The following ABL1 variants were observed in gnomAD, a reference collection of about 807,000 sequenced individuals.
The protein encoded by ABL1 is tyrosine-protein kinase ABL1.
In ABL1, 11 loss-of-function variants were observed where a neutral mutation model predicts 94.7. That is an observed-to-expected ratio of 0.12 (90% CI 0.07 to 0.19). The LOEUF (loss-of-function observed/expected upper bound fraction) is 0.19. Among genes scored for constraint, ABL1 ranks in the 10% least tolerant of loss-of-function variants. The pLI, the probability that ABL1 is intolerant of heterozygous loss-of-function variation, is 1.00. For synonymous variants in ABL1, 656 were observed against 622.4 expected (o/e 1.05, Z -0.80); for missense variants, 1,082 against 1,489.4 (o/e 0.73, Z 4.50).
At chr9:130,869,524 G>A (rs6597644) in intron 4 of ABL1, among the ~76,000 whole-genome samples, 31,979 of 152,052 alleles carry the variant, frequency 0.21, 5,226 homozygotes, top group African/African-American at 0.45. Flanking sequence ...CCGCTCCGCC[G>A]TACCGCCCAG....
chr9:130,759,919 A>G (rs567206374), intron 1 of ABL1, among the ~76,000 whole-genome samples: 82 of 151,234 alleles, frequency 5.4e-4, no homozygotes, highest in African/African-American at 1.8e-3. Context: ...CAGCCTCTCA[A>G]CTAGCTGGGA....
rs373307361 is a variant in ABL1 at position 130,872,264 on chromosome 9, G to A, written c.907+51G>A. ...GAGGGTCTCGCGCCGCACCCCCAGG[G>A]TGACACAGGCGCTGGGGAAGACGCA... is the stretch of plus-strand genomic sequence containing the variant. On this transcript the variant is annotated intron_variant, in intron 5 of 10. Coordinates refer to ENST00000318560, the MANE Select transcript of ABL1 (RefSeq NM_005157.6). This position sits in a 1 kb window ranked among gnomAD's most constrained non-coding sequence, Gnocchi z 5.0. 10 of 1,549,660 alleles carry A rather than the reference G, an allele frequency of 6.5e-6. No homozygotes were observed. The African/African-American group carries it at 1.4e-4, about 21-fold the overall frequency.
At position 130,862,700 on chromosome 9, in the gene ABL1, T is replaced by A. The variant is rs1382020816; in HGVS notation, c.550-63T>A. 2 of 1,565,096 alleles carry A rather than the reference T, an allele frequency of 1.3e-6. No homozygotes were observed. Among genetic ancestry groups the A allele is most frequent in the African/African-American group, 2.7e-5 (2 of 73,524 alleles). On this transcript the variant is annotated intron_variant, in intron 3 of 10. Transcript: ENST00000318560. The surrounding 1 kb of genome is among the most constrained non-coding windows in gnomAD (Gnocchi z 5.5). Reference sequence around the variant, plus strand: ...TGAATTAAGGCTCAGCCAAACTGGCTCACGTGAGCTCTTTGAGCTTGCCTG... The same window carrying A: ...TGAATTAAGGCTCAGCCAAACTGGCACACGTGAGCTCTTTGAGCTTGCCTG...
At chr9:130,808,214 T>TTTCTTCTTC (rs372530078) in intron 1 of ABL1, among the ~76,000 whole-genome samples, 154 of 143,052 alleles carry the variant, frequency 1.1e-3, no homozygotes, top group East Asian at 7.5e-3. Context: ...CCTAATTTCT[T>TTTCTTCTTC]TTCTTCTTCT....
At chr9:130,858,021 G>C (rs1173992898) in intron 3 of ABL1, among the ~76,000 whole-genome samples, 1 of 152,018 alleles carries the variant, frequency 6.6e-6, no homozygotes, top group Non-Finnish European at 1.5e-5. Context: ...CCCATGGGGG[G>C]TGATTTTCTG....
At chr9:130,734,494 T>C (rs2313568) in intron 1 of ABL1, among the ~76,000 whole-genome samples, 78,991 of 150,592 alleles carry the variant, frequency 0.52, 22,286 homozygotes, top group African/African-American at 0.74. Flanking sequence ...GGATTACAGG[T>C]GTGAGCCACT....
intron 1 of ABL1, among the ~76,000 whole-genome samples, chr9:130,769,539 G>A (rs913304216): frequency 6.6e-5 from 10 of 151,816 alleles, no homozygotes; most frequent in Admixed American, 2.0e-4. Flanking sequence ...GGGTTTCACC[G>A]TGTTGGCCAG....
At chr9:130,812,860 C>T (rs1420294505) in intron 1 of ABL1, among the ~76,000 whole-genome samples, 1 of 152,220 alleles carries the variant, frequency 6.6e-6, no homozygotes, top group Admixed American at 6.5e-5. Context: ...GCAGAATACA[C>T]GTTCTTTTCA....
At chr9:130,776,754 A>C (rs72765042) in intron 1 of ABL1, among the ~76,000 whole-genome samples, 1,575 of 151,892 alleles carry the variant, frequency 0.01, 29 homozygotes, top group Non-Finnish European at 0.012. Flanking sequence ...GGGGCTCTTT[A>C]TTCTTTGTTT....
At chr9:130,762,619 C>T (rs552540922) in intron 1 of ABL1, among the ~76,000 whole-genome samples, 1 of 151,982 alleles carries the variant, frequency 6.6e-6, no homozygotes, top group East Asian at 1.9e-4. Flanking sequence ...ATATGAAAAC[C>T]TGAATAATCT....
At chr9:130,851,336 G>A (rs1490035755) in intron 1 of ABL1, among the ~76,000 whole-genome samples, 1 of 152,056 alleles carries the variant, frequency 6.6e-6, no homozygotes, top group Non-Finnish European at 1.5e-5. Flanking sequence ...TTTGCCCCCC[G>A]CCATTCAGAA....
chr9:130,737,516 G>A (rs894885203), intron 1 of ABL1, among the ~76,000 whole-genome samples: 8 of 152,082 alleles, frequency 5.3e-5, no homozygotes, highest in South Asian at 2.1e-4. Flanking sequence ...TGATCCACCC[G>A]CCTTGGCCTC....
chr9:130,720,240 A>G (rs1287857336), intron 1 of ABL1, among the ~76,000 whole-genome samples: 1 of 152,206 alleles, frequency 6.6e-6, no homozygotes, highest in African/African-American at 2.4e-5. Flanking sequence ...AAATACAGAT[A>G]TGTTAGTGAT....
chr9:130,809,261 C>A (rs1161443506), intron 1 of ABL1, among the ~76,000 whole-genome samples: 58 of 152,086 alleles, frequency 3.8e-4, no homozygotes, highest in Non-Finnish European at 7.4e-5. Context: ...TTAGAGAGAA[C>A]CATTTACGGA....
At chr9:130,722,018 A>G (rs1029929811) in intron 1 of ABL1, among the ~76,000 whole-genome samples, 2 of 151,622 alleles carry the variant, frequency 1.3e-5, no homozygotes, top group Non-Finnish European at 2.9e-5. Context: ...TCGTGACCTC[A>G]TGATCTACCT....
At chr9:130,837,040 G>C (rs1830600391) in intron 1 of ABL1, among the ~76,000 whole-genome samples, 1 of 152,150 alleles carries the variant, frequency 6.6e-6, no homozygotes, top group African/African-American at 2.4e-5. Flanking sequence ...AGTGATGTGG[G>C]TGAAACCTGT....
chr9:130,826,850 G>A (rs1032664293), intron 1 of ABL1, among the ~76,000 whole-genome samples: 3 of 152,094 alleles, frequency 2.0e-5, no homozygotes, highest in African/African-American at 7.2e-5. Flanking sequence ...AGGCCGAGGC[G>A]GGCGGATCAC....
chr9:130,806,592 T>C (rs2132841613), intron 1 of ABL1, among the ~76,000 whole-genome samples: 1 of 152,236 alleles, frequency 6.6e-6, no homozygotes, highest in East Asian at 1.9e-4. Flanking sequence ...GGTGGGAGGA[T>C]CACTTGAGCC....
intron 1 of ABL1, among the ~76,000 whole-genome samples, chr9:130,770,923 A>G (rs917653762): frequency 1.3e-5 from 2 of 152,226 alleles, no homozygotes; most frequent in African/African-American, 4.8e-5. Context: ...AAGGAGGTTC[A>G]TAATCTGAAT....
Sources: allele counts gnomAD v4.1 joint callset (sites outside exome capture counted in the v4.1 genomes callset), GRCh38; gene constraint gnomAD v4.1.1; non-coding constraint Gnocchi (gnomAD v3.1); transcripts MANE v1.5; gene names NCBI Gene and HGNC (gene_info 2026-07-23, HGNC 2026-07-21).